RARB: variants seen among roughly 807,000 people sequenced by gnomAD.
RARB encodes the protein retinoic acid receptor beta.
RARB carries 17 observed loss-of-function variants against 51.9 expected under a neutral mutation model. That is an observed-to-expected ratio of 0.33 (90% confidence interval 0.22 to 0.49). The LOEUF (loss-of-function observed/expected upper bound fraction) is 0.49. RARB is among the 20% of genes least tolerant of loss of function. RARB has a pLI of 0.99. For missense variants in RARB, 369 were observed against 550.8 expected (o/e 0.67, Z 3.30); for synonymous variants, 215 against 195.4 (o/e 1.10, Z -0.84).
chr3:25,488,388 A>G (rs1559429516), intron 2 of RARB, among the ~76,000 whole-genome samples: 2 of 152,224 alleles, frequency 1.3e-5, no homozygotes, highest in African/African-American at 4.8e-5. Flanking sequence ...TGCTTAGGAG[A>G]GACTGAAGTG....
chr3:25,370,026 A>G (rs949054627), intron 5 of RARB, among the ~76,000 whole-genome samples: 2 of 152,234 alleles, frequency 1.3e-5, no homozygotes, highest in Admixed American at 6.5e-5. Flanking sequence ...GGCACAGAGC[A>G]GAAAACAGAA....
At chr3:25,353,228 G>C (rs1051721754) in intron 5 of RARB, among the ~76,000 whole-genome samples, 3 of 152,150 alleles carry the variant, frequency 2.0e-5, no homozygotes, top group African/African-American at 7.2e-5. Flanking sequence ...TAAGTTGATG[G>C]CAGGAGGCAA....
chr3:25,117,991 G>A (rs1397552815), intron 3 of RARB, among the ~76,000 whole-genome samples: 1 of 152,150 alleles, frequency 6.6e-6, no homozygotes, highest in African/African-American at 2.4e-5. Flanking sequence ...CCTTTGTAAA[G>A]AAGTGTCACA....
intron 4 of RARB, among the ~76,000 whole-genome samples, chr3:25,172,283 A>G (rs1357292097): frequency 1.3e-5 from 2 of 152,236 alleles, no homozygotes; most frequent in Non-Finnish European, 2.9e-5. Context: ...TTCAAAATAT[A>G]TAAGCTTAGC....
chr3:25,268,482 G>A (rs1284656466), intron 5 of RARB, among the ~76,000 whole-genome samples: 1 of 152,028 alleles, frequency 6.6e-6, no homozygotes, highest in African/African-American at 2.4e-5. Context: ...TAGATATGGT[G>A]TATTTCGACC....
At chr3:25,123,393 C>G (rs34237251) in intron 3 of RARB, among the ~76,000 whole-genome samples, 19,858 of 152,198 alleles carry the variant, frequency 0.13, 1,683 homozygotes, top group Non-Finnish European at 0.2. Flanking sequence ...GTGGGCTTCT[C>G]CTCTATTTGT....
At chr3:25,421,186 T>G (rs1325455862) in intron 5 of RARB, among the ~76,000 whole-genome samples, 1 of 151,906 alleles carries the variant, frequency 6.6e-6, no homozygotes, top group Non-Finnish European at 1.5e-5. Flanking sequence ...AGTACTTAAC[T>G]AGGTATATGC....
intron 4 of RARB, among the ~76,000 whole-genome samples, chr3:25,141,746 C>T (rs915528553): frequency 5.3e-5 from 8 of 152,060 alleles, no homozygotes; most frequent in Admixed American, 4.6e-4. Context: ...TTTAGGAATC[C>T]TAAGGTGAAT....
At chr3:25,234,608 C>A (rs983199581) in intron 5 of RARB, among the ~76,000 whole-genome samples, 1 of 151,978 alleles carries the variant, frequency 6.6e-6, no homozygotes, top group African/African-American at 2.4e-5. Flanking sequence ...TAATACAGAG[C>A]TAGGGGATCT....
rs149185544 is a variant in RARB, at chr3:25,539,685, C to G, written c.449-30073C>G. Among the ~76,000 whole-genome samples the G allele has an allele frequency of 1.4e-3, 213 of 151,000 alleles. 1 individual carries two copies. Among genetic ancestry groups the G allele is most frequent in the Admixed American group, 5.3e-3 (81 of 15,142 alleles). On this transcript the variant is annotated intron_variant, in intron 3 of 7. Coordinates refer to ENST00000330688, the MANE Select transcript of RARB (RefSeq NM_000965.5). ...AAATAAGAGAGTCCCATTAATGGATCCTGGTATTCCAGAGGTGGTCTGTCC... is the reference window on the plus strand; with the variant it reads ...AAATAAGAGAGTCCCATTAATGGATGCTGGTATTCCAGAGGTGGTCTGTCC...
At chr3:24,857,965 T>A (rs1226416989) in intron 1 of RARB, among the ~76,000 whole-genome samples, 1 of 152,154 alleles carries the variant, frequency 6.6e-6, no homozygotes, top group Non-Finnish European at 1.5e-5. Flanking sequence ...TTTGTTGTAA[T>A]GGTTAAACTT....
intron 5 of RARB, among the ~76,000 whole-genome samples, chr3:25,387,560 G>C (rs1449468213): frequency 1.3e-5 from 2 of 152,084 alleles, no homozygotes; most frequent in Non-Finnish European, 2.9e-5. Flanking sequence ...ACTTTCTCTA[G>C]TGTAGGCAGA....
At position 25,301,716 on chromosome 3, in the gene RARB, G is replaced by A. The variant is rs563598243; in HGVS notation, c.178+127141G>A. 5.9e-5 allele frequency among the ~76,000 whole-genome samples: 9 copies of A among 152,314 alleles called. No individual in the cohort carries two copies. In the South Asian group the frequency reaches 1.2e-3, roughly 21 times the overall value. On this transcript the variant is annotated intron_variant, in intron 5 of 11. Transcript: ENST00000383772. ...GTCTTGACAAGAACAAAGACCCTGT[G>A]CTCCTGTCCCTAACATCTGAGGCTC...
chr3:25,466,603 ATTC>A lies in RARB; in HGVS notation c.306+5265_306+5267del, dbSNP rs570662186. 2.6e-5 allele frequency among the ~76,000 whole-genome samples: 4 copies of A among 152,300 alleles called. No homozygotes were observed. In the South Asian group the frequency reaches 8.3e-4, roughly 32 times the overall value. On this transcript the variant is annotated intron_variant, in intron 2 of 7. Coordinates refer to ENST00000330688, the MANE Select transcript of RARB (RefSeq NM_000965.5). ...TGTAGTGTTCTTTCTGCAGTTCTCC[ATTC>A]TTTTCTATCAAAATAACACTGCCTC... is the stretch of plus-strand genomic sequence containing the variant.
intron 5 of RARB, among the ~76,000 whole-genome samples, chr3:25,385,888 A>G (rs544133701): frequency 6.6e-6 from 1 of 152,182 alleles, no homozygotes; most frequent in African/African-American, 2.4e-5. Flanking sequence ...GAACTCTCAC[A>G]GATACACCGT....
intron 1 of RARB, among the ~76,000 whole-genome samples, chr3:25,460,856 C>T (rs1389276514): frequency 1.3e-5 from 2 of 152,238 alleles, no homozygotes; most frequent in African/African-American, 4.8e-5. Flanking sequence ...GGCTCTACCA[C>T]TGCTCTGCTG....
chr3:25,345,375 C>G lies in RARB; in HGVS notation c.179-115818C>G, dbSNP rs114591161. Among the ~76,000 whole-genome samples the G allele has an allele frequency of 3.3e-5, 5 of 152,118 alleles. No individual in the cohort carries two copies. The East Asian group carries it at 9.7e-4, about 29-fold the overall frequency. On this transcript the variant is annotated intron_variant, in intron 5 of 11. Transcript: ENST00000383772. ...TTGGCAAATAGAGTTAAACTATAAG[C>G]AATTCATCTGGCTGGGCATGGTGGC...
chr3:25,288,685 A>G (rs1439774878), intron 5 of RARB, among the ~76,000 whole-genome samples: 1 of 152,154 alleles, frequency 6.6e-6, no homozygotes, highest in Non-Finnish European at 1.5e-5. Flanking sequence ...ACCAGAAACA[A>G]TAACAGAAGA....
intron 5 of RARB, among the ~76,000 whole-genome samples, chr3:25,308,910 G>A (rs1182933369): frequency 3.3e-5 from 5 of 152,068 alleles, no homozygotes; most frequent in East Asian, 1.9e-4. Flanking sequence ...CTACCAATGT[G>A]GAGTTAGGCA....
Sources: allele counts gnomAD v4.1 joint callset (sites outside exome capture counted in the v4.1 genomes callset), GRCh38; gene constraint gnomAD v4.1.1; transcripts MANE v1.5; gene names NCBI Gene and HGNC (gene_info 2026-07-23, HGNC 2026-07-21).